MYOM3: variants seen among roughly 807,000 people sequenced by gnomAD.
MYOM3 encodes myomesin-3.
Under a neutral mutation model 191.7 loss-of-function variants are expected in MYOM3, and 155 were observed. The observed-to-expected ratio is 0.81, with a 90% CI of 0.71 to 0.92. The LOEUF (loss-of-function observed/expected upper bound fraction) is 0.92. MYOM3 is among the 40% of genes least tolerant of loss of function. MYOM3 has a pLI of 0.00. For missense variants in MYOM3, 1,889 were observed against 1,890.6 expected, an observed-to-expected ratio of 1.00 and a Z score of 0.02; for synonymous variants, 757 against 762.9, an observed-to-expected ratio of 0.99 and a Z score of 0.13.
chr1:24,080,337 C>T lies in MYOM3; in HGVS notation c.2408-143G>A, dbSNP rs1186970276. The T allele has an allele frequency of 1.1e-5, 7 of 644,612 alleles. No individual in the cohort carries two copies. In the East Asian group the frequency reaches 1.6e-4, roughly 15 times the overall value. The allele number at this position is 644,612 out of a possible 1,614,324, so 39.9% of individuals were successfully genotyped here. On this transcript the variant is annotated intron_variant, in intron 19 of 36. Transcript: ENST00000374434. ...GCCAGGAAGGGCCTGTTCTGGGTGT[C>T]GCCAAGCCCGGGCCAACCTTGGCTT...
At position 24,057,187 on chromosome 1, in the gene MYOM3, A is replaced by T. The variant is rs117706271; in HGVS notation, c.*177T>A. On this transcript the variant is annotated 3_prime_UTR_variant, in exon 37 of 37. Transcript: ENST00000374434. ...GGAAGCCACTCAGGACCCCAGAAAG[A>T]TCTTTGCTTCTCCACTTTGGTGCAT... The T allele has an allele frequency of 4.4e-3, 2,877 of 654,094 alleles. 134 individuals are homozygous for T. The East Asian group carries it at 0.072, about 16-fold the overall frequency. The allele number at this position is 654,094 out of a possible 1,614,324, so 40.5% of individuals were successfully genotyped here.
Position 24,108,560 on chromosome 1 carries a change from T to G in MYOM3, c.77A>C (p.His26Pro), listed in dbSNP as rs1346251122. ...PQAMEVHRLE[H>P]RQEEEQKEER... ...CTCCTTCTGCTCCTCCTCCTGCCGG[T>G]GCTCCAGCCTGTGAACCTCCATGGC... The change falls in exon 2 of 37, where the codon CAC becomes CCC. Residue 26 changes from histidine to proline, a missense_variant. His to Pro is a moderately conservative substitution (Grantham distance 77, BLOSUM62 -2). Coordinates refer to ENST00000374434, the MANE Select transcript of MYOM3 (RefSeq NM_152372.4). 1 of 1,578,218 alleles carries G rather than the reference T, an allele frequency of 6.3e-7. No individual in the cohort carries two copies. The highest frequency in any genetic ancestry group is 1.2e-5 in the South Asian group (1 of 86,356).
At position 24,076,271 on chromosome 1, in the gene MYOM3, AAC is replaced by A. The variant is rs1643598434; in HGVS notation, c.2587_2588del (p.Val863PhefsTer29). ...PGPISGTHLR[V>X]SDLQPGKSYV... ...AACTCTTTCCTGGCTGCAAGTCGGA[AAC>A]CTGGGGGCAGAGGGCAAGAGCCAGC... On this transcript the variant is annotated frameshift_variant and splice_region_variant, in exon 21 of 37. Coordinates refer to ENST00000374434, the MANE Select transcript of MYOM3 (RefSeq NM_152372.4). LOFTEE classifies it high-confidence loss of function. 1 of 1,613,282 alleles carries A rather than the reference AAC, an allele frequency of 6.2e-7. No individual in the cohort carries two copies. The highest frequency in any genetic ancestry group is 8.5e-7 in the Non-Finnish European group (1 of 1,179,394).
chr1:24,062,154 G>T, intron 32 of MYOM3, 45 bp from the exon 33 acceptor site: 1 of 1,605,916 alleles, frequency 6.2e-7, no homozygotes, highest in Non-Finnish European at 8.5e-7. Flanking sequence ...CTGTCTGCAG[G>T]TCAACAGATA....
At chr1:24,090,753 C>T (rs959393205) in intron 12 of MYOM3, 44 bp downstream of exon 12, 34 of 1,598,380 alleles carry the variant, frequency 2.1e-5, no homozygotes, top group Non-Finnish European at 2.7e-5. Flanking sequence ...CTGAGGGTTC[C>T]CTGACTGATG....
rs1290149373 is a variant in MYOM3, at chr1:24,075,494, A to C, written c.2702-19T>G. 1.3e-6 allele frequency: 2 copies of C among 1,543,854 alleles called. No homozygotes were observed. The highest frequency in any genetic ancestry group is 1.7e-6 in the Non-Finnish European group (2 of 1,148,170). Reference sequence around the variant, plus strand: ...TGGGCACCTGAGGGCGAGATCCAACAGAGGGCAGCGGATGTTTATGCATAA... The same window carrying C: ...TGGGCACCTGAGGGCGAGATCCAACCGAGGGCAGCGGATGTTTATGCATAA... On this transcript the variant is annotated intron_variant, in intron 21 of 36. Transcript: ENST00000374434.
At chr1:24,062,451 C>T (rs552338210) in intron 32 of MYOM3, among the ~76,000 whole-genome samples, 1 of 152,210 alleles carries the variant, frequency 6.6e-6, no homozygotes, top group African/African-American at 2.4e-5. Context: ...GTTCTTGGCT[C>T]TCACTCATTT....
intron 15 of MYOM3, 35 bp downstream of exon 15, chr1:24,086,609 T>G: frequency 6.2e-7 from 1 of 1,601,304 alleles, no homozygotes; most frequent in Non-Finnish European, 8.5e-7. Context: ...TGGCCTGGCC[T>G]GCCTCCTCCC....
chr1:24,111,473 G>A lies in MYOM3; in HGVS notation c.-19+558C>T, dbSNP rs144151597. On this transcript the variant is annotated intron_variant, in intron 1 of 36. Coordinates refer to ENST00000374434, the MANE Select transcript of MYOM3 (RefSeq NM_152372.4). The surrounding 1 kb of genome is among the most constrained non-coding windows in gnomAD (Gnocchi z 4.7). Reference sequence around the variant, plus strand: ...TTAGCCAGTGGCTCCACCAGCTTCCGCGAGGCCGAATCCTGCCCTTGCCAG... The same window carrying A: ...TTAGCCAGTGGCTCCACCAGCTTCCACGAGGCCGAATCCTGCCCTTGCCAG... 4.2e-3 allele frequency among the ~76,000 whole-genome samples: 638 copies of A among 152,280 alleles called. 6 individuals carry two copies. Among genetic ancestry groups the A allele is most frequent in the Middle Eastern group, 0.027 (8 of 294 alleles).
intron 16 of MYOM3, 111 bp downstream of exon 16, chr1:24,084,357 C>T (rs1416701325): frequency 2.2e-5 from 27 of 1,235,674 alleles, no homozygotes; most frequent in East Asian, 4.8e-5. Flanking sequence ...CTGTATAGGT[C>T]GCAGAACTGT....
intron 16 of MYOM3, 144 bp from the exon 17 acceptor site, chr1:24,082,858 C>G: frequency 9.9e-7 from 1 of 1,014,036 alleles, no homozygotes; most frequent in Non-Finnish European, 1.4e-6. Context: ...AAATATTGCC[C>G]TTGATCCCAT....
chr1:24,087,422 C>T lies in MYOM3; in HGVS notation c.1615-595G>A, dbSNP rs559573743. On this transcript the variant is annotated intron_variant, in intron 14 of 36. Coordinates refer to ENST00000374434, the MANE Select transcript of MYOM3 (RefSeq NM_152372.4). The surrounding 1 kb of genome is among the most constrained non-coding windows in gnomAD (Gnocchi z 4.5). ...GTCTGCCCAGAACCCTCCCACGTCC[C>T]GCATCTCCCTCAGAGCAAAAGCTTC... 1.7e-4 allele frequency among the ~76,000 whole-genome samples: 26 copies of T among 152,232 alleles called. No individual in the cohort carries two copies. The highest frequency in any genetic ancestry group is 5.8e-4 in the African/African-American group (24 of 41,526).
chr1:24,094,737 G>A, intron 9 of MYOM3, 116 bp downstream of exon 9: 1 of 1,045,396 alleles, frequency 9.6e-7, no homozygotes, highest in Non-Finnish European at 1.4e-6. Context: ...CAGCACTTTA[G>A]CACAGTTGGT....
At position 24,058,968 on chromosome 1, in the gene MYOM3, C is replaced by T; in HGVS notation, c.4006G>A (p.Val1336Met). 6.2e-7 allele frequency: 1 copy of T among 1,612,056 alleles called. No homozygotes were observed. Among genetic ancestry groups the T allele is most frequent in the Middle Eastern group, 1.7e-4 (1 of 6,060 alleles). Residue 1336 changes from valine (V) to methionine (M), a missense_variant, in exon 36 of 37, where the codon GTG becomes ATG. Coordinates refer to ENST00000374434, the MANE Select transcript of MYOM3 (RefSeq NM_152372.4). ...LAIIEKNRAK[V>M]VRGLPDVATI... ...GCCACATCCGGCAGACCTCTCACCA[C>T]TTTGGCACGATCTGGAAGGGAAATA...
At chr1:24,089,789 G>T in intron 13 of MYOM3, 124 bp from the exon 14 acceptor site, 2 of 1,196,040 alleles carry the variant, frequency 1.7e-6, no homozygotes, top group Non-Finnish European at 2.3e-6. Context: ...GCAGTAGTTG[G>T]CTCCAGGTCA....
chr1:24,109,482 T>C (rs1291484673), intron 1 of MYOM3, among the ~76,000 whole-genome samples: 4 of 152,340 alleles, frequency 2.6e-5, no homozygotes, highest in East Asian at 1.9e-4. Context: ...TTCTCATTTC[T>C]TTTGTACTTA....
In MYOM3 at chr1:24,057,427, C is replaced by G. The variant is rs567009702; in HGVS notation, c.4251G>C (p.Thr1417=). 43 of 1,614,058 alleles carry G rather than the reference C, an allele frequency of 2.7e-5. No homozygotes were observed. The highest frequency in any genetic ancestry group is 3.5e-5 in the Non-Finnish European group (41 of 1,180,050). The change falls in exon 37 of 37, where the codon ACG becomes ACC. Residue 1417 remains threonine (T), a synonymous_variant. Transcript: ENST00000374434. ...TGAACACACTGATGGTGACCTGGCC[C>G]GTCTCGGAGCCATACTTGTTCTTGA... The part of the protein sequence containing the change: ...VFVKNKYGSE[T]GQVTISVFKH...
In MYOM3 at chr1:24,080,332, G is replaced by T. The variant is rs72877681; in HGVS notation, c.2408-138C>A. Reference sequence around the variant, plus strand: ...GTCAAGCCAGGAAGGGCCTGTTCTGGGTGTCGCCAAGCCCGGGCCAACCTT... The same window carrying T: ...GTCAAGCCAGGAAGGGCCTGTTCTGTGTGTCGCCAAGCCCGGGCCAACCTT... On this transcript the variant is annotated intron_variant, in intron 19 of 36. Coordinates refer to ENST00000374434, the MANE Select transcript of MYOM3 (RefSeq NM_152372.4). The T allele has an allele frequency of 3.1e-3, 2,118 of 680,842 alleles. 21 individuals carry two copies. Among genetic ancestry groups the T allele is most frequent in the African/African-American group, 0.026 (1,378 of 53,642 alleles). The allele number at this position is 680,842 out of a possible 1,614,324, so 42.2% of individuals were successfully genotyped here. A position where few individuals can be genotyped will look rare whatever the true frequency, so the allele number is the denominator to read the frequency against.
intron 5 of MYOM3, among the ~76,000 whole-genome samples, chr1:24,100,991 G>A (rs1232474462): frequency 6.6e-6 from 1 of 152,032 alleles, no homozygotes; most frequent in African/African-American, 2.4e-5. Context: ...CCATTCTCGG[G>A]GGAAACAGAA....
Sources: gnomAD v4.1 joint callset for allele counts (sites outside exome capture counted in the v4.1 genomes callset) on GRCh38, gnomAD v4.1.1 for gene constraint, Gnocchi (gnomAD v3.1) non-coding constraint, MANE v1.5 for transcripts, NCBI Gene and HGNC (gene_info 2026-07-23, HGNC 2026-07-21) for gene names.